ANKS1B: variants seen among roughly 807,000 people sequenced by gnomAD.
ANKS1B encodes the protein ankyrin repeat and sterile alpha motif domain containing 1B, also known as ankyrin repeat and sterile alpha motif domain-containing protein 1B.
ANKS1B carries 36 observed loss-of-function variants against 148.3 expected under a neutral mutation model. That is an observed-to-expected ratio of 0.24 (90% CI 0.19 to 0.32). ANKS1B has a LOEUF of 0.32. ANKS1B is among the 10% of genes least tolerant of loss of function. The pLI is 1.00. For missense variants in ANKS1B, 1,157 were observed against 1,542.6 expected (o/e 0.75, Z 4.19); for synonymous variants, 542 against 560.8 (o/e 0.97, Z 0.47).
chr12:99,129,600 G>A (rs1002466264), intron 15 of ANKS1B, among the ~76,000 whole-genome samples: 1 of 152,214 alleles, frequency 6.6e-6, no homozygotes, highest in Non-Finnish European at 1.5e-5. Context: ...GGTAAGTTGA[G>A]AGTATGCTGA....
intron 16 of ANKS1B, among the ~76,000 whole-genome samples, chr12:99,078,475 T>C (rs2048552947): frequency 6.6e-6 from 1 of 152,200 alleles, no homozygotes; most frequent in Admixed American, 6.6e-5. Flanking sequence ...CCCTAACTTC[T>C]GTATTATCTT....
chr12:98,747,068 G>A (rs539264015), intron 26 of ANKS1B, among the ~76,000 whole-genome samples: 49 of 152,174 alleles, frequency 3.2e-4, no homozygotes, highest in African/African-American at 1.1e-3. Context: ...GAGACAAATG[G>A]AATTACATCA....
At chr12:99,077,490 TG>T (rs1565923291) in intron 16 of ANKS1B, among the ~76,000 whole-genome samples, 1 of 152,222 alleles carries the variant, frequency 6.6e-6, no homozygotes, top group Non-Finnish European at 1.5e-5. Context: ...ATTGCCCTTC[TG>T]AAAAATACCA....
At chr12:98,976,275 A>T (rs2099895744) in intron 17 of ANKS1B, 1 of 152,178 alleles carries the variant, frequency 6.6e-6, no homozygotes, top group Non-Finnish European at 1.5e-5. Flanking sequence ...AGGAATTCAG[A>T]TGGTATTTAC....
chr12:99,022,919 A>G (rs991366298), intron 17 of ANKS1B, among the ~76,000 whole-genome samples: 4 of 152,078 alleles, frequency 2.6e-5, no homozygotes, highest in African/African-American at 4.8e-5. Flanking sequence ...TACTAAGAAA[A>G]TTTTACTGTA....
chr12:99,093,033 TA>T (rs2054606021), intron 15 of ANKS1B, among the ~76,000 whole-genome samples: 1 of 152,124 alleles, frequency 6.6e-6, no homozygotes, highest in South Asian at 2.1e-4. Context: ...CTTCACTACA[TA>T]AAAAGAACCA....
intron 9 of ANKS1B, among the ~76,000 whole-genome samples, chr12:99,586,884 C>G (rs2097647591): frequency 6.6e-6 from 1 of 151,950 alleles, no homozygotes; most frequent in African/African-American, 2.4e-5. Flanking sequence ...AAACCTGCCC[C>G]CATGATTCAA....
intron 26 of ANKS1B, among the ~76,000 whole-genome samples, chr12:98,748,620 G>A (rs1384394030): frequency 6.6e-6 from 1 of 152,222 alleles, no homozygotes; most frequent in Non-Finnish European, 1.5e-5. Context: ...GACCTCACGT[G>A]TTCTTAGGGA....
intron 11 of ANKS1B, among the ~76,000 whole-genome samples, chr12:99,404,463 GAATC>G (rs1462401395): frequency 6.9e-6 from 1 of 145,632 alleles, no homozygotes; most frequent in African/African-American, 2.6e-5. Context: ...TTATTGAAAA[GAATC>G]AAGCAGAAAT....
At chr12:99,862,307 C>T (rs540298024) in intron 1 of ANKS1B, among the ~76,000 whole-genome samples, 1 of 152,074 alleles carries the variant, frequency 6.6e-6, no homozygotes, top group East Asian at 1.9e-4. Flanking sequence ...AAGCATAGAG[C>T]AAATTTCAGA....
intron 12 of ANKS1B, among the ~76,000 whole-genome samples, chr12:99,358,882 G>A (rs1383549779): frequency 6.6e-6 from 1 of 152,114 alleles, no homozygotes; most frequent in Non-Finnish European, 1.5e-5. Context: ...AACAAGCAGG[G>A]AATTCTACTA....
chr12:99,574,945 A>C (rs933175674), intron 9 of ANKS1B, among the ~76,000 whole-genome samples: 1 of 152,152 alleles, frequency 6.6e-6, no homozygotes, highest in Non-Finnish European at 1.5e-5. Context: ...TAAACAGATA[A>C]GAAGTATACA....
At chr12:98,927,229 C>T (rs939509415) in intron 17 of ANKS1B, among the ~76,000 whole-genome samples, 1 of 152,020 alleles carries the variant, frequency 6.6e-6, no homozygotes, top group African/African-American at 2.4e-5. Context: ...ATTCAAAGTG[C>T]CAAGAATTTT....
chr12:99,818,121 A>C (rs1010980614), intron 2 of ANKS1B, among the ~76,000 whole-genome samples: 1 of 151,892 alleles, frequency 6.6e-6, no homozygotes, highest in East Asian at 1.9e-4. Context: ...GTCTGGACAA[A>C]TAATATTTGG....
intron 8 of ANKS1B, among the ~76,000 whole-genome samples, chr12:99,708,218 A>T (rs893522350): frequency 1.2e-4 from 18 of 152,152 alleles, no homozygotes; most frequent in African/African-American, 4.3e-4. Context: ...GTTGGAAATG[A>T]CAGAATACAT....
intron 6 of ANKS1B, among the ~76,000 whole-genome samples, chr12:99,778,071 G>A (rs1489276735): frequency 6.6e-6 from 1 of 151,880 alleles, no homozygotes; most frequent in Non-Finnish European, 1.5e-5. Context: ...ATGGTGGCGG[G>A]TGCCTGTAGT....
chr12:99,812,709 T>TA (rs1565777834), intron 2 of ANKS1B, among the ~76,000 whole-genome samples: 29 of 151,398 alleles, frequency 1.9e-4, no homozygotes, highest in Admixed American at 5.3e-4. Context: ...ATTTTTTTTT[T>TA]TAAAAAAAGA....
intron 22 of ANKS1B, among the ~76,000 whole-genome samples, chr12:98,790,006 T>C (rs2098833358): frequency 6.6e-6 from 1 of 152,160 alleles, no homozygotes; most frequent in Non-Finnish European, 1.5e-5. Flanking sequence ...GGTGGTAAAA[T>C]CACAGTTGTT....
chr12:99,088,042 A>G (rs1461523339), intron 15 of ANKS1B, among the ~76,000 whole-genome samples: 1 of 152,226 alleles, frequency 6.6e-6, no homozygotes, highest in African/African-American at 2.4e-5. Flanking sequence ...AGCATATAGG[A>G]TAATTGCCAA....
Sources: gnomAD v4.1 joint callset for allele counts (sites outside exome capture counted in the v4.1 genomes callset) on GRCh38, gnomAD v4.1.1 for gene constraint, MANE v1.5 for transcripts, NCBI Gene and HGNC (gene_info 2026-07-23, HGNC 2026-07-21) for gene names.